The following FAM178B variants were observed in gnomAD, a reference collection of about 807,000 sequenced individuals.
FAM178B encodes the protein protein FAM178B.
Under a neutral mutation model 91.7 loss-of-function variants are expected in FAM178B, and 82 were observed. The observed-to-expected ratio is 0.89, with a 90% confidence interval of 0.75 to 1.07. FAM178B has a LOEUF of 1.07. FAM178B is among the 50% of genes least tolerant of loss of function. The probability of loss-of-function intolerance (pLI) is 0.00; values close to 1 mark genes in which losing one functional copy is unlikely to be tolerated. For synonymous variants in FAM178B, 368 were observed against 359.4 expected (o/e 1.02, Z -0.27); for missense variants, 769 against 846.7 (o/e 0.91, Z 1.14).
intron 14 of FAM178B, among the ~76,000 whole-genome samples, chr2:96,892,358 G>C (rs1021947011): frequency 4.6e-5 from 7 of 152,270 alleles, no homozygotes; most frequent in African/African-American, 1.4e-4. Flanking sequence ...GCTTCTGAGA[G>C]CTGCCTGGGA....
At chr2:96,982,728 C>T (rs552828988) in intron 1 of FAM178B, among the ~76,000 whole-genome samples, 1 of 143,886 alleles carries the variant, frequency 6.9e-6, no homozygotes, top group African/African-American at 2.6e-5. Context: ...ACCACCATGC[C>T]CAGCTAATTT....
At chr2:96,921,813 G>A (rs1343270615) in intron 10 of FAM178B, among the ~76,000 whole-genome samples, 159 bp from the exon 11 acceptor site, 1 of 152,148 alleles carries the variant, frequency 6.6e-6, no homozygotes, top group African/African-American at 2.4e-5. Context: ...GCCCCTGCAG[G>A]GTCCTGGGTG....
Position 96,972,054 on chromosome 2 carries a change from C to T in FAM178B, c.411G>A (p.Val137=). ...GTCTCCTCAGGCCCTGGGGGCCCACCACACCCACCCACCTCTGGGCCGGGG... is the reference window on the plus strand; with the variant it reads ...GTCTCCTCAGGCCCTGGGGGCCCACTACACCCACCCACCTCTGGGCCGGGG... ...REAPAQRWVG[V]VGPQGLRRLA... The change falls in exon 3 of 17, where the codon GTG becomes GTA. Residue 137 remains valine, a synonymous_variant. Transcript: ENST00000490605. 1 of 1,548,794 alleles carries T rather than the reference C, an allele frequency of 6.5e-7. No homozygotes were observed. The highest frequency in any genetic ancestry group is 8.7e-7 in the Non-Finnish European group (1 of 1,145,988).
At chr2:96,950,169 TG>T in intron 7 of FAM178B, 1 of 985,464 alleles carries the variant, frequency 1.0e-6, no homozygotes, top group Non-Finnish European at 1.2e-6. Context: ...GGCCCCTCTG[TG>T]GGTGCCGTCT....
In FAM178B at chr2:96,929,263, CT is replaced by C; in HGVS notation, c.1135del (p.Ser379AlafsTer28). On this transcript the variant is annotated frameshift_variant, in exon 9 of 17. Transcript: ENST00000490605. LOFTEE classifies it high-confidence loss of function. Reference protein sequence around the residue: ...SLQEVREAFHSLGAHSPALYP... With the variant: ...SLQEVREAFHXLGAHSPALYP... ...CAGGGCAGGACTGTGGGCACCCAGG[CT>C]GTGGAATGCCTCCCTGACTTCTTGC... 2 of 1,551,670 alleles carry C rather than the reference CT, an allele frequency of 1.3e-6. No homozygotes were observed. The highest frequency in any genetic ancestry group is 1.7e-6 in the Non-Finnish European group (2 of 1,146,960).
At chr2:96,887,481 G>A (rs1351259338) in intron 14 of FAM178B, among the ~76,000 whole-genome samples, 2 of 152,206 alleles carry the variant, frequency 1.3e-5, no homozygotes, top group African/African-American at 2.4e-5. Context: ...CAAGCCACGG[G>A]TTGAGCCATG....
intron 5 of FAM178B, among the ~76,000 whole-genome samples, chr2:96,962,864 C>G (rs1469937953): frequency 6.6e-6 from 1 of 152,136 alleles, no homozygotes; most frequent in Non-Finnish European, 1.5e-5. Flanking sequence ...TGGTCAGCCC[C>G]CACCCTAAGC....
In FAM178B at chr2:96,972,533, C is replaced by T. The variant is rs1201759372; in HGVS notation, c.142+5G>A. ...GATTTACCTGTGCAGGTGAGAGACG[C>T]CTACCTTCTCTCAGAGGAAGGGCTA... On this transcript the variant is annotated splice_donor_5th_base_variant and intron_variant, in intron 2 of 16. Transcript: ENST00000490605. The T allele has an allele frequency of 6.4e-7, 1 of 1,551,340 alleles. No individual in the cohort carries two copies. The highest frequency in any genetic ancestry group is 2.4e-5 in the East Asian group (1 of 40,920).
rs74881716 is a variant in FAM178B at position 96,910,563 on chromosome 2, A to T, written c.1563-7856T>A. Among the ~76,000 whole-genome samples, 329 of 151,848 alleles carry T rather than the reference A, an allele frequency of 2.2e-3. 15 individuals are homozygous for T. The East Asian group carries it at 0.04, about 19-fold the overall frequency. ...TTGCTTCAAAAGTAACTACACAGAAACTCCTTTTATGGCCTTCGGCATTTC... is the reference window on the plus strand; with the variant it reads ...TTGCTTCAAAAGTAACTACACAGAATCTCCTTTTATGGCCTTCGGCATTTC... On this transcript the variant is annotated intron_variant, in intron 12 of 16. Coordinates refer to ENST00000490605, the MANE Select transcript of FAM178B (RefSeq NM_001122646.3).
chr2:96,962,978 A>C (rs1053831449), intron 5 of FAM178B, among the ~76,000 whole-genome samples: 1 of 152,214 alleles, frequency 6.6e-6, no homozygotes, highest in Non-Finnish European at 1.5e-5. Context: ...AAAGCTGAAC[A>C]GTCCCATCCA....
At chr2:96,893,800 C>T in intron 14 of FAM178B, 126 bp downstream of exon 14, 1 of 1,219,698 alleles carries the variant, frequency 8.2e-7, no homozygotes, top group Non-Finnish European at 1.1e-6. Context: ...TTGGTCTCTG[C>T]CCTGGCATGG....
chr2:96,943,660 A>T (rs1404900253), intron 8 of FAM178B, among the ~76,000 whole-genome samples: 1 of 152,218 alleles, frequency 6.6e-6, no homozygotes, highest in Non-Finnish European at 1.5e-5. Flanking sequence ...CTTGACAAAT[A>T]TTAATAAAGC....
intron 7 of FAM178B, among the ~76,000 whole-genome samples, chr2:96,949,211 A>G (rs2081883890): frequency 6.6e-6 from 1 of 152,136 alleles, no homozygotes; most frequent in Admixed American, 6.5e-5. Flanking sequence ...AGTCCCTGAG[A>G]GAGAACTCAG....
chr2:96,881,596 G>A (rs555732245), intron 14 of FAM178B, among the ~76,000 whole-genome samples: 12 of 152,176 alleles, frequency 7.9e-5, no homozygotes, highest in African/African-American at 2.2e-4. Flanking sequence ...AGAAGGAGTC[G>A]TGGGGAGGGT....
chr2:96,937,829 C>T (rs2081658575), intron 8 of FAM178B, among the ~76,000 whole-genome samples: 1 of 152,108 alleles, frequency 6.6e-6, no homozygotes, highest in African/African-American at 2.4e-5. Flanking sequence ...TGTTCGAGAC[C>T]AGCCTGGGTA....
At chr2:96,908,126 C>A (rs905216861) in intron 12 of FAM178B, among the ~76,000 whole-genome samples, 6 of 152,230 alleles carry the variant, frequency 3.9e-5, no homozygotes, top group Admixed American at 6.5e-5. Context: ...GGCTTAGAAG[C>A]TGGTTGTCCC....
At position 96,928,170 on chromosome 2, in the gene FAM178B, G is replaced by C. The variant is rs193193443; in HGVS notation, c.1193+1036C>G. Among the ~76,000 whole-genome samples the C allele has an allele frequency of 2.6e-3, 394 of 152,288 alleles. 5 individuals carry two copies. Among genetic ancestry groups the C allele is most frequent in the Admixed American group, 9.1e-3 (140 of 15,302 alleles). ...CATCTGCCCGCCGAGGCGAGGGAAG[G>C]GGGGCCTGGCACCTCCTGGCGCTGA... On this transcript the variant is annotated intron_variant, in intron 9 of 16. Coordinates refer to ENST00000490605, the MANE Select transcript of FAM178B (RefSeq NM_001122646.3).
intron 13 of FAM178B, among the ~76,000 whole-genome samples, chr2:96,895,400 T>C (rs2080802020): frequency 6.6e-6 from 1 of 152,206 alleles, no homozygotes; most frequent in African/African-American, 2.4e-5. Flanking sequence ...GCACCTAAGC[T>C]ATTAGCCGCC....
At chr2:96,903,376 T>C (rs2080971442) in intron 12 of FAM178B, among the ~76,000 whole-genome samples, 1 of 152,222 alleles carries the variant, frequency 6.6e-6, no homozygotes, top group African/African-American at 2.4e-5. Flanking sequence ...CTTCTTTCCT[T>C]TGTGGCTCCA....
Sources: gnomAD v4.1 joint callset for allele counts (sites outside exome capture counted in the v4.1 genomes callset) on GRCh38, gnomAD v4.1.1 for gene constraint, MANE v1.5 for transcripts, NCBI Gene and HGNC (gene_info 2026-07-23, HGNC 2026-07-21) for gene names.